The following CRADD variants were observed in gnomAD, a reference collection of about 807,000 sequenced individuals.
The protein encoded by CRADD is death domain-containing protein CRADD.
CRADD carries 9 observed loss-of-function variants against 15.5 expected under a neutral mutation model. The ratio of observed to expected loss-of-function variants is 0.58; its 90% CI spans 0.35 to 1.01. The LOEUF (loss-of-function observed/expected upper bound fraction) is 1.01. CRADD is among the 50% of genes least tolerant of loss of function. CRADD has a pLI of 0.02. For synonymous variants in CRADD, 118 were observed against 107.6 expected, an observed-to-expected ratio of 1.10 and a Z score of -0.60; for missense variants, 227 against 250.3, an observed-to-expected ratio of 0.91 and a Z score of 0.63.
rs115501466 is a variant in CRADD at position 93,719,192 on chromosome 12, A to C, written c.298+40120A>C. Among the ~76,000 whole-genome samples, 1,381 of 152,278 alleles carry C rather than the reference A, an allele frequency of 9.1e-3. 20 individuals carry two copies. Among genetic ancestry groups the C allele is most frequent in the African/African-American group, 0.029 (1,202 of 41,550 alleles). On this transcript the variant is annotated intron_variant, in intron 2 of 2. Coordinates refer to ENST00000332896, the MANE Select transcript of CRADD (RefSeq NM_003805.5). ...TATGAATAGGTGGTGAGTTTTGTCA[A>C]ATGATATGATCATGTGATTTTTCTA...
At chr12:93,856,124 T>C (rs1352420922) in intron 2 of CRADD, among the ~76,000 whole-genome samples, 1 of 152,200 alleles carries the variant, frequency 6.6e-6, no homozygotes, top group Admixed American at 6.5e-5. Context: ...CTAATCTTCT[T>C]CACCCTCCCA....
At chr12:93,791,358 A>AAT (rs1957347535) in intron 2 of CRADD, among the ~76,000 whole-genome samples, 1 of 151,814 alleles carries the variant, frequency 6.6e-6, no homozygotes, top group Admixed American at 6.6e-5. Context: ...AAGGAAGGAA[A>AAT]CCCTGTCATT....
chr12:93,703,220 T>TA (rs1372237226), intron 2 of CRADD, among the ~76,000 whole-genome samples: 4 of 152,280 alleles, frequency 2.6e-5, no homozygotes, highest in African/African-American at 4.8e-5. Context: ...TGATTTTTTT[T>TA]AAAAAGTCCT....
intron 2 of CRADD, among the ~76,000 whole-genome samples, chr12:93,814,505 C>G (rs748427083): frequency 5.9e-5 from 9 of 152,208 alleles, no homozygotes; most frequent in South Asian, 2.1e-4. Flanking sequence ...CATCACGAAT[C>G]CTAGAATCCT....
At chr12:93,813,092 C>T (rs1443381763) in intron 2 of CRADD, among the ~76,000 whole-genome samples, 1 of 152,144 alleles carries the variant, frequency 6.6e-6, no homozygotes, top group East Asian at 1.9e-4. Flanking sequence ...AGCATTAAGA[C>T]AATGCACAGA....
rs1958206159 is a variant in CRADD at position 93,850,503 on chromosome 12, T to G, written c.*232T>G. 1 of 1,264,546 alleles carries G rather than the reference T, an allele frequency of 7.9e-7. No individual in the cohort carries two copies. The highest frequency in any genetic ancestry group is 1.6e-5 in the African/African-American group (1 of 64,230). The allele number at this position is 1,264,546 out of a possible 1,614,324, so 78.3% of individuals were successfully genotyped here. A position where few individuals can be genotyped will look rare whatever the true frequency, so the allele number is the denominator to read the frequency against. On this transcript the variant is annotated 3_prime_UTR_variant, in exon 3 of 3. Coordinates refer to ENST00000332896, the MANE Select transcript of CRADD (RefSeq NM_003805.5). The surrounding 1 kb of genome is among the most constrained non-coding windows in gnomAD (Gnocchi z 4.0). Reference sequence around the variant, plus strand: ...TGTTTTTAATTGCTTGAAGATTGCATTGTTGTAATTGTTCAGTTTTTAAAT... The same window carrying G: ...TGTTTTTAATTGCTTGAAGATTGCAGTGTTGTAATTGTTCAGTTTTTAAAT...
At position 93,830,181 on chromosome 12, in the gene CRADD, C is replaced by T. The variant is rs1335734680; in HGVS notation, c.299-19789C>T. Among the ~76,000 whole-genome samples, 12 of 152,228 alleles carry T rather than the reference C, an allele frequency of 7.9e-5. No homozygotes were observed. The East Asian group carries it at 2.3e-3, about 29-fold the overall frequency. ...CTCTCACCTGAATCTGCCCCTTCCT[C>T]GAATCTTCGCTGTCACTTATTTCAG... is the stretch of plus-strand genomic sequence containing the variant. On this transcript the variant is annotated intron_variant, in intron 2 of 2. Transcript: ENST00000332896.
chr12:93,746,213 C>T (rs952120761), intron 2 of CRADD, among the ~76,000 whole-genome samples: 1 of 152,186 alleles, frequency 6.6e-6, no homozygotes, highest in African/African-American at 2.4e-5. Flanking sequence ...TTCCCTTGAA[C>T]CCATCTTGTT....
At chr12:93,744,987 T>G (rs1435363885) in intron 2 of CRADD, among the ~76,000 whole-genome samples, 1 of 152,226 alleles carries the variant, frequency 6.6e-6, no homozygotes, top group Non-Finnish European at 1.5e-5. Context: ...AAGTTTTTGG[T>G]ATATTCAAAT....
At position 93,882,528 on chromosome 12, in the gene CRADD, G is replaced by C. The variant is rs146832667; in HGVS notation, c.299-11522G>C. ...TGTGTGTCTTAAACACTCATACATA[G>C]CTAAATTTGTATATAAAAGATTTGT... On this transcript the variant is annotated intron_variant, in intron 2 of 2. Transcript: ENST00000548483. 3.9e-3 allele frequency among the ~76,000 whole-genome samples: 586 copies of C among 151,046 alleles called. 4 individuals carry two copies. The highest frequency in any genetic ancestry group is 0.013 in the African/African-American group (541 of 41,080).
chr12:93,684,020 A>G (rs1955378937), intron 2 of CRADD, among the ~76,000 whole-genome samples: 1 of 152,148 alleles, frequency 6.6e-6, no homozygotes. Flanking sequence ...TTCCCTCGGT[A>G]AAGGGAGAGT....
chr12:93,779,515 A>C (rs372005161), intron 2 of CRADD, among the ~76,000 whole-genome samples: 1 of 152,054 alleles, frequency 6.6e-6, no homozygotes, highest in Admixed American at 6.5e-5. Context: ...TAAAAAGAAG[A>C]AAGGAAATAG....
intron 1 of CRADD, 35 bp downstream of exon 1, chr12:93,677,507 C>T (rs950045615): frequency 6.6e-6 from 1 of 152,282 alleles, no homozygotes; most frequent in African/African-American, 2.4e-5. Flanking sequence ...TTTGAAAGTC[C>T]TGCATTGTAG....
At chr12:93,744,300 C>G (rs1272631346) in intron 2 of CRADD, among the ~76,000 whole-genome samples, 17 of 152,198 alleles carry the variant, frequency 1.1e-4, no homozygotes, top group Admixed American at 1.1e-3. Flanking sequence ...GGCCCAGTTG[C>G]CTTTCTTGGA....
At chr12:93,784,254 C>T (rs1356310387) in intron 2 of CRADD, among the ~76,000 whole-genome samples, 1 of 152,050 alleles carries the variant, frequency 6.6e-6, no homozygotes, top group Non-Finnish European at 1.5e-5. Flanking sequence ...TCAGTGAGGG[C>T]ATCAAAAATG....
chr12:93,725,986 G>C (rs928573768), intron 2 of CRADD, among the ~76,000 whole-genome samples: 18 of 151,786 alleles, frequency 1.2e-4, no homozygotes, highest in Non-Finnish European at 2.6e-4. Context: ...CTGACTTCAA[G>C]ACCTATTATT....
intron 2 of CRADD, among the ~76,000 whole-genome samples, chr12:93,828,118 C>T (rs1957846294): frequency 6.6e-6 from 1 of 152,120 alleles, no homozygotes; most frequent in African/African-American, 2.4e-5. Context: ...ATCTTCTTAG[C>T]TGAAGTGTCT....
rs533219007 is a variant in CRADD, at chr12:93,784,937, G to C, written c.299-65033G>C. 2.8e-4 allele frequency among the ~76,000 whole-genome samples: 42 copies of C among 152,266 alleles called. No homozygotes were observed. In the South Asian group the frequency reaches 8.3e-3, roughly 30 times the overall value. On this transcript the variant is annotated intron_variant, in intron 2 of 2. Coordinates refer to ENST00000332896, the MANE Select transcript of CRADD (RefSeq NM_003805.5). ...GTTCTTCATTAATTAGAAAAGTACA[G>C]AGCCTGCTTACTTTGAGATTCCAAA...
intron 2 of CRADD, among the ~76,000 whole-genome samples, chr12:93,718,379 A>C (rs1956199560): frequency 6.6e-6 from 1 of 152,204 alleles, no homozygotes; most frequent in South Asian, 2.1e-4. Context: ...GTATTTTATT[A>C]GATTTATACC....
Sources: allele counts gnomAD v4.1 joint callset (sites outside exome capture counted in the v4.1 genomes callset), GRCh38; gene constraint gnomAD v4.1.1; non-coding constraint Gnocchi (gnomAD v3.1); transcripts MANE v1.5; gene names NCBI Gene and HGNC (gene_info 2026-07-23, HGNC 2026-07-21).